The following MAST3 variants were observed in gnomAD, a reference collection of about 807,000 sequenced individuals.
The protein encoded by MAST3 is microtubule-associated serine/threonine-protein kinase 3.
Under a neutral mutation model 127.0 loss-of-function variants are expected in MAST3, and 43 were observed. The ratio of observed to expected loss-of-function variants is 0.34; its 90% CI spans 0.27 to 0.44. The LOEUF (loss-of-function observed/expected upper bound fraction) is 0.44, where lower values mean the gene tolerates loss of function less well. MAST3 is among the 20% of genes least tolerant of loss of function. The pLI, the probability that MAST3 is intolerant of heterozygous loss-of-function variation, is 1.00. For missense variants in MAST3, 1,390 were observed against 1,919.1 expected, an observed-to-expected ratio of 0.72 and a Z score of 5.15; for synonymous variants, 785 against 809.2, an observed-to-expected ratio of 0.97 and a Z score of 0.51.
intron 3 of MAST3, chr19:18,118,301 C>T: frequency 1.0e-6 from 1 of 963,010 alleles, no homozygotes; most frequent in Non-Finnish European, 1.2e-6. Context: ...GCCGAGCAAA[C>T]AGGAGTTGCC....
Position 18,129,772 on chromosome 19 carries a change from ATAAT to A in MAST3, c.1224-718_1224-715del, listed in dbSNP as rs1317653120. 2.6e-5 allele frequency among the ~76,000 whole-genome samples: 4 copies of A among 151,966 alleles called. No individual in the cohort carries two copies. The South Asian group carries it at 6.2e-4, about 24-fold the overall frequency. ...AAACTCCATCAATACTAAAAATAGA[ATAAT>A]TAACTGGGCGTAATGGCACATGCCT... is the stretch of plus-strand genomic sequence containing the variant. On this transcript the variant is annotated intron_variant, in intron 13 of 27. Coordinates refer to ENST00000687212, the MANE Select transcript of MAST3 (RefSeq NM_001393504.1).
chr19:18,147,894 G>A (rs2043194740), intron 27 of MAST3, among the ~76,000 whole-genome samples: 2 of 152,122 alleles, frequency 1.3e-5, no homozygotes, highest in Non-Finnish European at 2.9e-5. Context: ...GGAGGCTCAC[G>A]CCTGTAATCC....
At chr19:18,142,249 C>T (rs934759549) in intron 21 of MAST3, among the ~76,000 whole-genome samples, 4 of 152,036 alleles carry the variant, frequency 2.6e-5, no homozygotes, top group Non-Finnish European at 5.9e-5. Flanking sequence ...TCCTTCTGTC[C>T]AGAATGCCCT....
In MAST3 at chr19:18,144,644, C is replaced by G; in HGVS notation, c.2763C>G (p.Arg921=). 3 of 1,611,008 alleles carry G rather than the reference C, an allele frequency of 1.9e-6. No homozygotes were observed. Among genetic ancestry groups the G allele is most frequent in the Non-Finnish European group, 1.7e-6 (2 of 1,179,834 alleles). ...GCAGTGGTGGCGGCAGTGGGGGCCG[C>G]GTGCCCAAGTCAGCCTCTGTCTCTG... ...SGGSGGGSGG[R]VPKSASVSAL... The change falls in exon 23 of 28, where the codon CGC becomes CGG. Residue 921 remains arginine, a synonymous_variant. Coordinates refer to ENST00000687212, the MANE Select transcript of MAST3 (RefSeq NM_001393504.1). This position sits in a 1 kb window ranked among gnomAD's most constrained non-coding sequence, Gnocchi z 4.0.
In MAST3 at chr19:18,134,797, C is replaced by T. The variant is rs2041720761; in HGVS notation, c.1705-20C>T. 3 of 1,613,896 alleles carry T rather than the reference C, an allele frequency of 1.9e-6. No individual in the cohort carries two copies. The highest frequency in any genetic ancestry group is 1.1e-5 in the South Asian group (1 of 91,066). On this transcript the variant is annotated intron_variant, in intron 16 of 27. Transcript: ENST00000687212. The stretch of plus-strand genomic sequence containing the variant: ...TTGGGCTGGGGGCTGGCCTCAGTTT[C>T]CCCGTTCTCCCTGGCCCAGGTGTGT...
chr19:18,134,729 T>G lies in MAST3; in HGVS notation c.1704+18T>G, dbSNP rs776754387. 6.2e-7 allele frequency: 1 copy of G among 1,612,690 alleles called. No homozygotes were observed. The highest frequency in any genetic ancestry group is 2.2e-5 in the East Asian group (1 of 44,802). On this transcript the variant is annotated intron_variant, in intron 16 of 27. Transcript: ENST00000687212. The stretch of plus-strand genomic sequence containing the variant: ...ACAAGCAGGTGGGCGGGCAGGTGGG[T>G]GGGCAGCCCCGGGATGCCTCCTCCT...
intron 3 of MAST3, chr19:18,118,189 G>C (rs2039520807): frequency 7.1e-6 from 7 of 985,448 alleles, no homozygotes; most frequent in Non-Finnish European, 7.2e-6. Flanking sequence ...GCTACTGGAC[G>C]GCGGTGGCGG....
Position 18,151,647 on chromosome 19 carries a change from C to T in MAST3, c.*1921C>T, listed in dbSNP as rs917155890. ...CTGTGCATGATTCACCCCCTCCTTC[C>T]ATCCTGGAGCTGGCAGTGAATAAAA... is the stretch of plus-strand genomic sequence containing the variant. On this transcript the variant is annotated 3_prime_UTR_variant, in exon 28 of 28. Coordinates refer to ENST00000687212, the MANE Select transcript of MAST3 (RefSeq NM_001393504.1). 6.6e-6 allele frequency: 1 copy of T among 152,248 alleles called. No individual in the cohort carries two copies. Among genetic ancestry groups the T allele is most frequent in the African/African-American group, 2.4e-5 (1 of 41,460 alleles). The allele number at this position is 152,248 out of a possible 1,614,324, so 9.4% of individuals were successfully genotyped here.
In MAST3 at chr19:18,139,133, G is replaced by A. The variant is rs748683205; in HGVS notation, c.2205+9G>A. 1.2e-5 allele frequency: 18 copies of A among 1,563,094 alleles called. No homozygotes were observed. Among genetic ancestry groups the A allele is most frequent in the South Asian group, 2.3e-5 (2 of 86,328 alleles). ...CCCACCGGTTCAGCAAGGTGGGCCC[G>A]GGTCCCGAGGGGAGCCACTGCTCAG... On this transcript the variant is annotated intron_variant, in intron 20 of 27. Coordinates refer to ENST00000687212, the MANE Select transcript of MAST3 (RefSeq NM_001393504.1).
At position 18,145,685 on chromosome 19, in the gene MAST3, T is replaced by C. The variant is rs2042948536; in HGVS notation, c.3040-58T>C. 4 of 1,499,964 alleles carry C rather than the reference T, an allele frequency of 2.7e-6. No homozygotes were observed. In the East Asian group the frequency reaches 1.0e-4, roughly 37 times the overall value. 92.9% of individuals were successfully genotyped at this position (1,499,964 alleles called of 1,614,324 possible). On this transcript the variant is annotated intron_variant, in intron 24 of 27. Coordinates refer to ENST00000687212, the MANE Select transcript of MAST3 (RefSeq NM_001393504.1). This position sits in a 1 kb window ranked among gnomAD's most constrained non-coding sequence, Gnocchi z 5.9. ...GTCCCACAGCAGACCCAGCCTGGGC[T>C]GGGGTCCCCAGATGTGGGGCCCAGG... is the stretch of plus-strand genomic sequence containing the variant.
chr19:18,144,114 A>G lies in MAST3; in HGVS notation c.2584+107A>G, dbSNP rs1037182176. ...GAGTAGGAGTTCTCCAGAGCCAACA[A>G]AGGCTTTAAGAGAGGAGAAGCCAGG... On this transcript the variant is annotated intron_variant, in intron 22 of 27. Transcript: ENST00000687212. The surrounding 1 kb of genome is among the most constrained non-coding windows in gnomAD (Gnocchi z 4.0). 1.7e-5 allele frequency: 24 copies of G among 1,426,904 alleles called. No homozygotes were observed. Among genetic ancestry groups the G allele is most frequent in the Non-Finnish European group, 2.2e-5 (24 of 1,076,690 alleles). The allele number at this position is 1,426,904 out of a possible 1,614,324, so 88.4% of individuals were successfully genotyped here.
At chr19:18,129,041 C>G (rs2040972081) in intron 13 of MAST3, 90 bp downstream of exon 13, 2 of 1,093,628 alleles carry the variant, frequency 1.8e-6, no homozygotes, top group South Asian at 1.3e-5. Context: ...CCTCCTACCC[C>G]AGCAGGGCTC....
chr19:18,123,314 ATG>A lies in MAST3; in HGVS notation c.500_501del (p.Val167AlafsTer2). The A allele has an allele frequency of 6.2e-7, 1 of 1,613,682 alleles. No individual in the cohort carries two copies. The highest frequency in any genetic ancestry group is 8.5e-7 in the Non-Finnish European group (1 of 1,179,854). On this transcript the variant is annotated frameshift_variant, in exon 7 of 28. Coordinates refer to ENST00000687212, the MANE Select transcript of MAST3 (RefSeq NM_001393504.1). LOFTEE classifies it high-confidence loss of function. ...TCCAAGCACTTCCGCAGCTCAGAGAATGTGCTTGATGAGGAAGGCGGCCGGTC... is the reference window on the plus strand; with the variant it reads ...TCCAAGCACTTCCGCAGCTCAGAGAATGCTTGATGAGGAAGGCGGCCGGTC...
intron 20 of MAST3, among the ~76,000 whole-genome samples, 175 bp downstream of exon 20, chr19:18,139,299 C>G (rs1303139619): frequency 6.6e-6 from 1 of 151,952 alleles, no homozygotes; most frequent in Non-Finnish European, 1.5e-5. Flanking sequence ...CCTCAGCCTC[C>G]CAAAGTGCTA....
intron 21 of MAST3, 60 bp from the exon 22 acceptor site, chr19:18,143,703 G>T: frequency 1.9e-6 from 3 of 1,599,928 alleles, no homozygotes; most frequent in Non-Finnish European, 2.6e-6. Flanking sequence ...CATGAAGGTG[G>T]CTGAGTATCC....
At chr19:18,118,834 C>T (rs944290811) in intron 3 of MAST3, among the ~76,000 whole-genome samples, 7 of 152,186 alleles carry the variant, frequency 4.6e-5, no homozygotes, top group Admixed American at 2.6e-4. Context: ...CCTCAAGTAG[C>T]TCCTTAACCT....
Position 18,134,684 on chromosome 19 carries a change from G to A in MAST3, c.1677G>A (p.Lys559=), listed in dbSNP as rs1283723151. The A allele has an allele frequency of 6.2e-7, 1 of 1,613,812 alleles. No homozygotes were observed. Among genetic ancestry groups the A allele is most frequent in the Non-Finnish European group, 8.5e-7 (1 of 1,179,848 alleles). ...ATNLYEGHIE[K]DAREFIDKQV... ...ACCTCTATGAGGGCCACATCGAGAA[G>A]GACGCCCGAGAGTTCATCGACAAGC... Residue 559 remains lysine, a synonymous_variant, in exon 16 of 28, where the codon AAG becomes AAA. Transcript: ENST00000687212.
intron 19 of MAST3, among the ~76,000 whole-genome samples, chr19:18,137,667 G>A (rs1029696269): frequency 5.9e-5 from 9 of 152,266 alleles, no homozygotes; most frequent in South Asian, 4.1e-4. Flanking sequence ...CTGGGTGTCC[G>A]TCCCTGACCA....
chr19:18,113,040 CATG>C (rs1444639374), intron 3 of MAST3, among the ~76,000 whole-genome samples: 1 of 152,112 alleles, frequency 6.6e-6, no homozygotes, highest in African/African-American at 2.4e-5. Context: ...CAGGTGAGGA[CATG>C]ATGAAGGGAG....
Sources: gnomAD v4.1 joint callset for allele counts (sites outside exome capture counted in the v4.1 genomes callset) on GRCh38, gnomAD v4.1.1 for gene constraint, Gnocchi (gnomAD v3.1) non-coding constraint, MANE v1.5 for transcripts, NCBI Gene and HGNC (gene_info 2026-07-23, HGNC 2026-07-21) for gene names.